The following TMEM209 variants were observed in gnomAD, a reference collection of about 807,000 sequenced individuals.
The protein encoded by TMEM209 is testicular tissue protein Li 202.
Under a neutral mutation model 76.2 loss-of-function variants are expected in TMEM209, and 65 were observed. That is an observed-to-expected ratio of 0.85 (90% CI 0.70 to 1.05). TMEM209 has a LOEUF of 1.05. Among genes scored for constraint, TMEM209 ranks in the 50% least tolerant of loss-of-function variants. The pLI, the probability that TMEM209 is intolerant of heterozygous loss-of-function variation, is 0.00. For synonymous variants in TMEM209, 239 were observed against 237.6 expected (o/e 1.01, Z -0.06); for missense variants, 623 against 685.5 (o/e 0.91, Z 1.02).
intron 6 of TMEM209, among the ~76,000 whole-genome samples, chr7:130,187,881 G>A (rs1241243241): frequency 2.0e-5 from 3 of 152,034 alleles, no homozygotes; most frequent in Non-Finnish European, 4.4e-5. Flanking sequence ...AAGCTTACCA[G>A]AAACAAACAG....
chr7:130,174,102 A>C (rs995257129), intron 11 of TMEM209, among the ~76,000 whole-genome samples, 163 bp from the exon 12 acceptor site: 3 of 152,210 alleles, frequency 2.0e-5, no homozygotes, highest in African/African-American at 7.2e-5. Context: ...TACAAGATAA[A>C]ATCTATAGAA....
Position 130,199,102 on chromosome 7 carries a change from C to T in TMEM209, c.573+2748G>A, listed in dbSNP as rs1584695502. Among the ~76,000 whole-genome samples the T allele has an allele frequency of 2.6e-5, 4 of 152,144 alleles. No individual in the cohort carries two copies. The South Asian group carries it at 6.2e-4, about 24-fold the overall frequency. On this transcript the variant is annotated intron_variant, in intron 5 of 14. Transcript: ENST00000397622. The stretch of plus-strand genomic sequence containing the variant: ...TCTAACTATTATTTTATTATTTCTT[C>T]CATCAACTTAAAATGACCTTTTGTC...
In TMEM209 at chr7:130,175,217, T is replaced by C. The variant is rs147378515; in HGVS notation, c.1344+295A>G. 8.2e-3 allele frequency: 2,331 copies of C among 282,886 alleles called. 45 individuals carry two copies. Among genetic ancestry groups the C allele is most frequent in the African/African-American group, 0.048 (2,191 of 46,006 alleles). The allele number at this position is 282,886 out of a possible 1,614,324, so 17.5% of individuals were successfully genotyped here. A position where few individuals can be genotyped will look rare whatever the true frequency, so the allele number is the denominator to read the frequency against. The stretch of plus-strand genomic sequence containing the variant: ...TAGCTCGTGTCTGTAAACCCAGCAC[T>C]TTGGGAAGCTGAGGCAGGGGGATCA... On this transcript the variant is annotated intron_variant, in intron 11 of 14. Transcript: ENST00000397622.
intron 1 of TMEM209, 41 bp downstream of exon 1, chr7:130,205,332 A>T: frequency 6.2e-7 from 1 of 1,613,918 alleles, no homozygotes; most frequent in African/African-American, 1.3e-5. Context: ...ACCCGCGTAG[A>T]TTCCAAGACA....
At position 130,203,804 on chromosome 7, in the gene TMEM209, C is replaced by T. The variant is rs1291792845; in HGVS notation, c.183G>A (p.Trp61Ter). Residue 61 changes from tryptophan to a stop codon, truncating the protein, a stop_gained, in exon 3 of 15, where the codon TGG becomes TGA. Coordinates refer to ENST00000397622, the MANE Select transcript of TMEM209 (RefSeq NM_032842.4). LOFTEE classifies it high-confidence loss of function. ...CTTACTTACCAATATACCAGAGGGGCCAGTATGTCACATTGTAGTATGAAC... is the reference window on the plus strand; with the variant it reads ...CTTACTTACCAATATACCAGAGGGGTCAGTATGTCACATTGTAGTATGAAC... ...LISSYYNVTYWPLWYIELALA... is the reference protein window; with the variant it reads ...LISSYYNVTY 3.1e-6 allele frequency: 5 copies of T among 1,604,820 alleles called. No homozygotes were observed. The highest frequency in any genetic ancestry group is 4.3e-6 in the Non-Finnish European group (5 of 1,175,420).
At chr7:130,169,491 T>C (rs1200227656) in intron 14 of TMEM209, among the ~76,000 whole-genome samples, 1 of 152,168 alleles carries the variant, frequency 6.6e-6, no homozygotes, top group Non-Finnish European at 1.5e-5. Flanking sequence ...TAAGGAGTTA[T>C]CTTACTTTTT....
chr7:130,204,246 T>G (rs186390959), intron 1 of TMEM209, 136 bp from the exon 2 acceptor site: 1 of 1,043,714 alleles, frequency 9.6e-7, no homozygotes, highest in African/African-American at 1.6e-5. Context: ...TTATCAAAAC[T>G]TCTTCCATTT....
chr7:130,187,013 C>T (rs1448720638), intron 6 of TMEM209, among the ~76,000 whole-genome samples: 5 of 152,254 alleles, frequency 3.3e-5, no homozygotes, highest in Admixed American at 1.3e-4. Flanking sequence ...GAGGCCGAGG[C>T]GGGCAGATCA....
At chr7:130,175,789 A>G (rs1003770575) in intron 10 of TMEM209, among the ~76,000 whole-genome samples, 180 bp from the exon 11 acceptor site, 7 of 152,204 alleles carry the variant, frequency 4.6e-5, no homozygotes, top group African/African-American at 1.7e-4. Flanking sequence ...AAGACATCAG[A>G]TAAATCCAAA....
At chr7:130,180,594 C>T (rs544767056) in intron 9 of TMEM209, among the ~76,000 whole-genome samples, 216 of 152,256 alleles carry the variant, frequency 1.4e-3, no homozygotes, top group Middle Eastern at 3.4e-3. Context: ...GTATTGAACT[C>T]CTGACCTCAG....
At chr7:130,200,864 C>A (rs906295940) in intron 5 of TMEM209, among the ~76,000 whole-genome samples, 1 of 151,860 alleles carries the variant, frequency 6.6e-6, no homozygotes, top group Non-Finnish European at 1.5e-5. Context: ...TCGAGGAGGG[C>A]AGATCGCAAG....
At chr7:130,203,933 G>A in intron 2 of TMEM209, 41 bp downstream of exon 2, 2 of 1,606,286 alleles carry the variant, frequency 1.2e-6, no homozygotes, top group Non-Finnish European at 1.7e-6. Flanking sequence ...ACCAGCCACT[G>A]GCTTCTTAAA....
chr7:130,185,516 G>GATCTGCTTGTGATTTTA (rs1797569860), intron 6 of TMEM209, 149 bp from the exon 7 acceptor site: 1 of 682,834 alleles, frequency 1.5e-6, no homozygotes, highest in South Asian at 2.4e-5. Context: ...TCTCTTTAGA[G>GATCTGCTTGTGATTTTA]ATCACAGTCT....
intron 1 of TMEM209, 52 bp from the exon 2 acceptor site, chr7:130,204,162 T>C: frequency 6.5e-7 from 1 of 1,538,400 alleles, no homozygotes; most frequent in Non-Finnish European, 8.7e-7. Context: ...TATTGCTCCA[T>C]TTAAAAACCA....
At chr7:130,175,404 G>A (rs1402201377) in intron 11 of TMEM209, 108 bp downstream of exon 11, 16 of 1,014,328 alleles carry the variant, frequency 1.6e-5, no homozygotes, top group Non-Finnish European at 2.2e-5. Context: ...CAAAGCTGCA[G>A]TGAGACGTGA....
At chr7:130,180,101 T>C (rs2116988988) in intron 9 of TMEM209, among the ~76,000 whole-genome samples, 1 of 152,350 alleles carries the variant, frequency 6.6e-6, no homozygotes, top group South Asian at 2.1e-4. Context: ...GCATTATTGG[T>C]AAAGGTAATT....
chr7:130,203,909 CA>C, intron 2 of TMEM209, 63 bp from the exon 3 acceptor site: 1 of 1,596,670 alleles, frequency 6.3e-7, no homozygotes, highest in East Asian at 2.2e-5. Context: ...AAAACAAACA[CA>C]AAAACCTGTG....
chr7:130,194,186 G>A (rs1168720636), intron 5 of TMEM209, among the ~76,000 whole-genome samples: 38 of 150,230 alleles, frequency 2.5e-4, no homozygotes, highest in African/African-American at 6.4e-4. Context: ...GTGACAGAGC[G>A]AGACTCCGTC....
intron 14 of TMEM209, among the ~76,000 whole-genome samples, chr7:130,169,061 A>G (rs528313652): frequency 7.2e-5 from 11 of 151,806 alleles, no homozygotes; most frequent in African/African-American, 2.7e-4. Flanking sequence ...ACATGGAGAA[A>G]CCCCGTCTCT....
Sources: allele counts gnomAD v4.1 joint callset (sites outside exome capture counted in the v4.1 genomes callset), GRCh38; gene constraint gnomAD v4.1.1; transcripts MANE v1.5; gene names NCBI Gene and HGNC (gene_info 2026-07-23, HGNC 2026-07-21).